The following SYN3 variants were observed in gnomAD, a reference collection of about 807,000 sequenced individuals.
SYN3 encodes the protein synapsin-3.
A neutral mutation model predicts 65.8 loss-of-function variants in SYN3; 35 were observed. That is an observed-to-expected ratio of 0.53 (90% CI 0.41 to 0.70). The LOEUF (loss-of-function observed/expected upper bound fraction) is 0.70, where lower values mean the gene tolerates loss of function less well. Among genes scored for constraint, SYN3 ranks in the 30% least tolerant of loss-of-function variants. SYN3 has a pLI of 0.00. For missense variants in SYN3, 680 were observed against 749.0 expected (o/e 0.91, Z 1.08); for synonymous variants, 270 against 292.9 (o/e 0.92, Z 0.80).
intron 6 of SYN3, among the ~76,000 whole-genome samples, chr22:32,600,898 G>A (rs1304529675): frequency 2.6e-5 from 4 of 152,102 alleles, no homozygotes; most frequent in Non-Finnish European, 5.9e-5. Flanking sequence ...TGTTGGCCAG[G>A]CTGGTCCCGA....
At position 32,971,796 on chromosome 22, in the gene SYN3, G is replaced by C. The variant is rs142311826; in HGVS notation, c.369+8849C>G. Reference sequence around the variant, plus strand: ...AGACCCTGGGATGGATATTAGCCTGGGGGGAGGTTTATTAGTGAATTCCCT... The same window carrying C: ...AGACCCTGGGATGGATATTAGCCTGCGGGGAGGTTTATTAGTGAATTCCCT... On this transcript the variant is annotated intron_variant, in intron 3 of 13. Coordinates refer to ENST00000358763, the MANE Select transcript of SYN3 (RefSeq NM_003490.4). 8.0e-4 allele frequency among the ~76,000 whole-genome samples: 122 copies of C among 152,312 alleles called. No individual in the cohort carries two copies. The East Asian group carries it at 0.023, about 28-fold the overall frequency.
chr22:32,651,909 T>C (rs1478864399), intron 6 of SYN3, among the ~76,000 whole-genome samples: 3 of 152,186 alleles, frequency 2.0e-5, no homozygotes. Flanking sequence ...GGGGAATTGC[T>C]ACTGGCATCT....
chr22:32,855,846 G>A (rs747139562), intron 6 of SYN3, among the ~76,000 whole-genome samples: 9 of 152,140 alleles, frequency 5.9e-5, no homozygotes, highest in South Asian at 2.1e-4. Context: ...AGATTATGTC[G>A]TAGATACAAA....
chr22:32,876,156 T>G (rs976484459), intron 4 of SYN3, among the ~76,000 whole-genome samples: 1 of 152,164 alleles, frequency 6.6e-6, no homozygotes. Flanking sequence ...ACCATCACAT[T>G]TGGTCTCTGC....
chr22:32,655,439 C>G (rs1334428347), intron 6 of SYN3, among the ~76,000 whole-genome samples: 1 of 152,136 alleles, frequency 6.6e-6, no homozygotes, highest in Non-Finnish European at 1.5e-5. Flanking sequence ...CAATCTGTGA[C>G]CTGTTAGGAA....
chr22:32,644,101 A>AAAAAAAAAAAAGAG (rs368236821), intron 6 of SYN3, among the ~76,000 whole-genome samples: 2 of 71,214 alleles, frequency 2.8e-5, no homozygotes, highest in African/African-American at 5.5e-5. Context: ...AAAAAAAAAA[A>AAAAAAAAAAAAGAG]AGCGACAAGA....
At chr22:32,979,325 G>A (rs2052304958) in intron 3 of SYN3, among the ~76,000 whole-genome samples, 1 of 152,104 alleles carries the variant, frequency 6.6e-6, no homozygotes, top group South Asian at 2.1e-4. Flanking sequence ...TAGCATAGTA[G>A]ACTCTTGACA....
At chr22:32,784,840 T>C (rs2046152593) in intron 6 of SYN3, 1 of 152,232 alleles carries the variant, frequency 6.6e-6, no homozygotes, top group Non-Finnish European at 1.5e-5. Flanking sequence ...ATAATGTTGC[T>C]GATTTTCTAA....
intron 6 of SYN3, among the ~76,000 whole-genome samples, chr22:32,831,261 C>A (rs1569259379): frequency 6.6e-6 from 1 of 152,190 alleles, no homozygotes; most frequent in Non-Finnish European, 1.5e-5. Flanking sequence ...AATCAGCCAT[C>A]CAAGGTGCTC....
intron 7 of SYN3, among the ~76,000 whole-genome samples, chr22:32,576,300 C>T (rs1416032451): frequency 6.6e-6 from 1 of 152,124 alleles, no homozygotes; most frequent in African/African-American, 2.4e-5. Flanking sequence ...CCGAGTATCC[C>T]GTGCACACCA....
intron 7 of SYN3, among the ~76,000 whole-genome samples, chr22:32,591,547 A>G (rs1432195930): frequency 1.3e-5 from 2 of 152,262 alleles, no homozygotes; most frequent in African/African-American, 2.4e-5. Flanking sequence ...CTATATGACA[A>G]AAATAGATTT....
intron 6 of SYN3, among the ~76,000 whole-genome samples, chr22:32,602,572 C>T (rs912477571): frequency 5.9e-5 from 9 of 152,182 alleles, no homozygotes; most frequent in Admixed American, 5.9e-4. Flanking sequence ...AGCGATTCTC[C>T]TGCCTCAGCC....
chr22:32,531,866 TG>T (rs2058076703), intron 10 of SYN3, among the ~76,000 whole-genome samples: 1 of 125,962 alleles, frequency 7.9e-6, no homozygotes, highest in African/African-American at 2.9e-5. Context: ...TGGGAGACGT[TG>T]TTTTCTTATT....
At chr22:32,769,203 C>G (rs1335075034) in intron 6 of SYN3, among the ~76,000 whole-genome samples, 3 of 151,826 alleles carry the variant, frequency 2.0e-5, no homozygotes, top group African/African-American at 4.8e-5. Flanking sequence ...CCATTTCCCC[C>G]CTGTTCTACT....
At chr22:33,055,405 C>A (rs560454293) in intron 1 of SYN3, among the ~76,000 whole-genome samples, 1 of 152,224 alleles carries the variant, frequency 6.6e-6, no homozygotes, top group Admixed American at 6.5e-5. Context: ...CTCTCTGCCT[C>A]TTGATCTTGG....
chr22:32,534,320 C>T (rs1488459075), intron 9 of SYN3, among the ~76,000 whole-genome samples: 1 of 152,160 alleles, frequency 6.6e-6, no homozygotes, highest in Non-Finnish European at 1.5e-5. Context: ...TCCCTTTTCC[C>T]TTGGGAAAGC....
intron 7 of SYN3, among the ~76,000 whole-genome samples, chr22:32,569,571 C>CTCTATATATA (rs1205661126): frequency 3.3e-5 from 3 of 90,926 alleles, no homozygotes; most frequent in African/African-American, 1.1e-4. Flanking sequence ...CTCTCTCTCT[C>CTCTATATATA]TATATATATA....
intron 9 of SYN3, 104 bp downstream of exon 9, chr22:32,537,932 T>C: frequency 1.0e-6 from 1 of 1,001,216 alleles, no homozygotes; most frequent in Non-Finnish European, 1.6e-6. Context: ...GGTGAGGCAC[T>C]GGACGGAGGG....
chr22:33,045,506 C>T (rs1463200782), intron 1 of SYN3, among the ~76,000 whole-genome samples: 33 of 110,642 alleles, frequency 3.0e-4, no homozygotes, highest in Middle Eastern at 0.012. Context: ...CTCGCTCTGT[C>T]GCCCAGGCTG....
Sources: gnomAD v4.1 joint callset for allele counts (sites outside exome capture counted in the v4.1 genomes callset) on GRCh38, gnomAD v4.1.1 for gene constraint, MANE v1.5 for transcripts, NCBI Gene and HGNC (gene_info 2026-07-23, HGNC 2026-07-21) for gene names.